The following PRTG variants were observed in gnomAD, a reference collection of about 807,000 sequenced individuals.
PRTG encodes protogenin.
In PRTG, 67 loss-of-function variants were observed where a neutral mutation model predicts 122.5. That is an observed-to-expected ratio of 0.55 (90% CI 0.45 to 0.67). The LOEUF is 0.67. PRTG is among the 30% of genes least tolerant of loss of function. PRTG has a pLI of 0.00. For synonymous variants in PRTG, 554 were observed against 501.1 expected (o/e 1.11, Z -1.41); for missense variants, 1,435 against 1,415.4 (o/e 1.01, Z -0.22).
chr15:55,708,147 G>GAAAAAAAAAA (rs1567109053), intron 2 of PRTG, among the ~76,000 whole-genome samples: 2 of 27,942 alleles, frequency 7.2e-5, no homozygotes, highest in African/African-American at 3.4e-4. Context: ...GAGTAAGCTG[G>GAAAAAAAAAA]TAAAAAAAAA....
intron 2 of PRTG, among the ~76,000 whole-genome samples, chr15:55,716,922 A>T (rs973877771): frequency 2.0e-5 from 3 of 152,226 alleles, no homozygotes; most frequent in African/African-American, 7.2e-5. Context: ...TTATCAAATT[A>T]AAAAAGTTTT....
rs140309691 is a variant in PRTG at position 55,695,071 on chromosome 15, G to A, written c.398-11140C>T. Among the ~76,000 whole-genome samples the A allele has an allele frequency of 1.7e-4, 26 of 152,102 alleles. No individual in the cohort carries two copies. In the East Asian group the frequency reaches 4.3e-3, roughly 25 times the overall value. On this transcript the variant is annotated intron_variant, in intron 2 of 19. Transcript: ENST00000389286. ...AAATGTAAGTGCCTATTTTATTTGC[G>A]ACTTCCTCCTCTTCACCTGTCTATT...
At chr15:55,636,057 G>GA (rs1373551883) in intron 15 of PRTG, among the ~76,000 whole-genome samples, 1 of 151,792 alleles carries the variant, frequency 6.6e-6, no homozygotes, top group Non-Finnish European at 1.5e-5. Flanking sequence ...TAGGCTGGGC[G>GA]TGGTGGTGTG....
chr15:55,680,894 C>T (rs1445490775), intron 4 of PRTG, among the ~76,000 whole-genome samples: 1 of 152,098 alleles, frequency 6.6e-6, no homozygotes, highest in Non-Finnish European at 1.5e-5. Flanking sequence ...TTAGCAGTCA[C>T]TCCCAATCTC....
chr15:55,726,109 A>G (rs1348653783), intron 2 of PRTG, among the ~76,000 whole-genome samples: 1 of 152,006 alleles, frequency 6.6e-6, no homozygotes, highest in African/African-American at 2.4e-5. Context: ...CGCCCAGCTA[A>G]TTTTTGTATT....
chr15:55,651,560 C>T (rs2059353344), intron 11 of PRTG, among the ~76,000 whole-genome samples: 1 of 152,118 alleles, frequency 6.6e-6, no homozygotes, highest in Non-Finnish European at 1.5e-5. Context: ...AACCGATGGA[C>T]ATCAAATTCA....
chr15:55,633,889 A>G (rs1176212288), intron 15 of PRTG, among the ~76,000 whole-genome samples: 1 of 152,196 alleles, frequency 6.6e-6, no homozygotes, highest in Admixed American at 6.5e-5. Flanking sequence ...AACTAAGAGA[A>G]TATTTTTCCT....
rs3985769 is a variant in PRTG at position 55,709,145 on chromosome 15, C to CA, written c.398-25215dup. 3.7e-3 allele frequency among the ~76,000 whole-genome samples: 192 copies of CA among 51,846 alleles called. 5 individuals carry two copies. Among genetic ancestry groups the CA allele is most frequent in the African/African-American group, 0.01 (131 of 12,484 alleles). 34.0% of individuals were successfully genotyped at this position (51,846 alleles called of 152,430 possible). A position where few individuals can be genotyped will look rare whatever the true frequency, so the allele number is the denominator to read the frequency against. On this transcript the variant is annotated intron_variant, in intron 2 of 19. Coordinates refer to ENST00000389286, the MANE Select transcript of PRTG (RefSeq NM_173814.6). ...TGGGCGACAGGGTGGGACTCTGTCT[C>CA]AAAAAAAAAAAAAAAAAAAAAAAAA...
chr15:55,695,548 C>T (rs2059627355), intron 2 of PRTG, among the ~76,000 whole-genome samples: 1 of 152,248 alleles, frequency 6.6e-6, no homozygotes, highest in South Asian at 2.1e-4. Context: ...CCAGTCACTG[C>T]TGCCACACCC....
At chr15:55,640,821 C>A (rs1352008063) in intron 12 of PRTG, among the ~76,000 whole-genome samples, 1 of 151,208 alleles carries the variant, frequency 6.6e-6, no homozygotes, top group Non-Finnish European at 1.5e-5. Context: ...AACAGCCTGG[C>A]CAACATGGTG....
At chr15:55,689,811 C>T (rs781297984) in intron 2 of PRTG, among the ~76,000 whole-genome samples, 5 of 151,892 alleles carry the variant, frequency 3.3e-5, no homozygotes, top group Admixed American at 6.6e-5. Flanking sequence ...ACCTGTAGTC[C>T]CAGCTGCTGG....
rs1486734911 is a variant in PRTG at position 55,624,520 on chromosome 15, CAAG to C, written c.2928-16_2928-14del. The C allele has an allele frequency of 1.2e-6, 2 of 1,603,052 alleles. No individual in the cohort carries two copies. Among genetic ancestry groups the C allele is most frequent in the African/African-American group, 2.7e-5 (2 of 74,602 alleles). On this transcript the variant is annotated splice_polypyrimidine_tract_variant and intron_variant, in intron 17 of 19. Transcript: ENST00000389286. Reference sequence around the variant, plus strand: ...AGCAGATGATTTCCTAAAACATTGGCAAGAAGAGGAAGTCTTCTAATTTCATAG... The same window carrying C: ...AGCAGATGATTTCCTAAAACATTGGCAAGAGGAAGTCTTCTAATTTCATAG...
intron 11 of PRTG, among the ~76,000 whole-genome samples, chr15:55,663,635 A>G (rs1340645973): frequency 1.3e-5 from 2 of 150,704 alleles, no homozygotes; most frequent in Non-Finnish European, 3.0e-5. Flanking sequence ...TCTGCCTCCC[A>G]GGTTCAAGTG....
chr15:55,730,937 T>G (rs1177749534), intron 2 of PRTG, among the ~76,000 whole-genome samples: 1 of 152,174 alleles, frequency 6.6e-6, no homozygotes, highest in African/African-American at 2.4e-5. Context: ...ACTACAGAAG[T>G]TGCGATCTTT....
At position 55,612,685 on chromosome 15, in the gene PRTG, T is replaced by C. The variant is rs2059125232; in HGVS notation, c.*7327A>G. 1 of 136,584 alleles carries C rather than the reference T, an allele frequency of 7.3e-6. No individual in the cohort carries two copies. Among genetic ancestry groups the C allele is most frequent in the Admixed American group, 7.4e-5 (1 of 13,454 alleles). The allele number at this position is 136,584 out of a possible 1,614,324, so 8.5% of individuals were successfully genotyped here. A position where few individuals can be genotyped will look rare whatever the true frequency, so the allele number is the denominator to read the frequency against. ...GGACAGATCTGATTCTCTCTTTAAC[T>C]CTTTAAAAGCCAATATATATATATA... On this transcript the variant is annotated 3_prime_UTR_variant, in exon 20 of 20. Coordinates refer to ENST00000389286, the MANE Select transcript of PRTG (RefSeq NM_173814.6).
intron 2 of PRTG, among the ~76,000 whole-genome samples, chr15:55,718,805 C>T (rs1294255865): frequency 1.3e-5 from 2 of 151,754 alleles, no homozygotes; most frequent in African/African-American, 4.8e-5. Flanking sequence ...TGCAGTGGTG[C>T]AATCTTGGCT....
intron 11 of PRTG, among the ~76,000 whole-genome samples, chr15:55,642,714 T>C (rs2059299420): frequency 6.6e-6 from 1 of 152,042 alleles, no homozygotes; most frequent in African/African-American, 2.4e-5. Context: ...ACAGTAATCC[T>C]TAATAGATAT....
intron 2 of PRTG, among the ~76,000 whole-genome samples, chr15:55,712,387 T>A (rs1157520583): frequency 1.3e-5 from 2 of 152,194 alleles, no homozygotes; most frequent in Non-Finnish European, 2.9e-5. Flanking sequence ...CAGCAAAGGT[T>A]TTCCAGAAAG....
In PRTG at chr15:55,718,363, C is replaced by A. The variant is rs369667516; in HGVS notation, c.397+22019G>T. ...GTCTCTGTTCCCAATGAAACTCATCCCAAATCTTCCTTGTTTCCCTCCCGC... is the reference window on the plus strand; with the variant it reads ...GTCTCTGTTCCCAATGAAACTCATCACAAATCTTCCTTGTTTCCCTCCCGC... On this transcript the variant is annotated intron_variant, in intron 2 of 19. Coordinates refer to ENST00000389286, the MANE Select transcript of PRTG (RefSeq NM_173814.6). Among the ~76,000 whole-genome samples the A allele has an allele frequency of 7.9e-5, 12 of 152,162 alleles. No individual in the cohort carries two copies. The South Asian group carries it at 2.5e-3, about 32-fold the overall frequency.
Sources: gnomAD v4.1 joint callset for allele counts (sites outside exome capture counted in the v4.1 genomes callset) on GRCh38, gnomAD v4.1.1 for gene constraint, MANE v1.5 for transcripts, NCBI Gene and HGNC (gene_info 2026-07-23, HGNC 2026-07-21) for gene names.